MICU1: variants seen among roughly 807,000 people sequenced by gnomAD.
MICU1 encodes mitochondrial calcium uptake 1, also known as calcium uptake protein 1, mitochondrial.
Under a neutral mutation model 56.8 loss-of-function variants are expected in MICU1, and 45 were observed. The observed-to-expected ratio is 0.79, with a 90% CI of 0.62 to 1.02. The LOEUF is 1.02. Ranked by LOEUF, MICU1 falls within the 50% of genes least tolerant of loss-of-function variation. The pLI is 0.00. For synonymous variants in MICU1, 186 were observed against 195.1 expected (o/e 0.95, Z 0.39); for missense variants, 504 against 587.1 (o/e 0.86, Z 1.46).
At chr10:72,387,072 A>G (rs1862915706) in intron 10 of MICU1, among the ~76,000 whole-genome samples, 1 of 152,228 alleles carries the variant, frequency 6.6e-6, no homozygotes, top group Admixed American at 6.5e-5. Flanking sequence ...TAAAGATTTC[A>G]CATAAACAAG....
At chr10:72,571,449 G>C (rs1171951798) in intron 1 of MICU1, among the ~76,000 whole-genome samples, 2 of 152,158 alleles carry the variant, frequency 1.3e-5, no homozygotes, top group East Asian at 3.8e-4. Context: ...AGAACAGCTA[G>C]ACATATGATC....
intron 1 of MICU1, among the ~76,000 whole-genome samples, chr10:72,623,067 G>C (rs1842141234): frequency 6.6e-6 from 1 of 151,726 alleles, no homozygotes; most frequent in East Asian, 1.9e-4. Context: ...TCAGGGGTTC[G>C]AGACCAGCCT....
rs367981659 is a variant in MICU1, at chr10:72,408,317, C to CT, written c.1072-281dup. 6.3e-4 allele frequency among the ~76,000 whole-genome samples: 96 copies of CT among 151,404 alleles called. 1 individual carries two copies. The Middle Eastern group carries it at 0.01, about 16-fold the overall frequency. On this transcript the variant is annotated intron_variant, in intron 9 of 11. Transcript: ENST00000361114. ...GAATATCTTAATGAAAATATTTCTTCTTTTTTTTTGAGATGGAGTTTCACT... is the reference window on the plus strand; with the variant it reads ...GAATATCTTAATGAAAATATTTCTTCTTTTTTTTTTGAGATGGAGTTTCACT...
chr10:72,623,262 ACT>A (rs1842147985), intron 1 of MICU1, among the ~76,000 whole-genome samples: 1 of 133,952 alleles, frequency 7.5e-6, no homozygotes, highest in Admixed American at 8.6e-5. Context: ...CGAGAGTGAA[ACT>A]CTGTCAAAAA....
At chr10:72,487,835 C>T (rs898926662) in intron 6 of MICU1, among the ~76,000 whole-genome samples, 2 of 152,106 alleles carry the variant, frequency 1.3e-5, no homozygotes, top group African/African-American at 4.8e-5. Context: ...TGATCTACTC[C>T]TTCTGACTTC....
chr10:72,587,706 C>T (rs1323900042), intron 1 of MICU1, among the ~76,000 whole-genome samples: 1 of 151,920 alleles, frequency 6.6e-6, no homozygotes, highest in African/African-American at 2.4e-5. Context: ...ATGGCTTGAG[C>T]CTGGGAGGCG....
At chr10:72,485,376 C>A (rs1396485918) in intron 6 of MICU1, among the ~76,000 whole-genome samples, 3 of 151,578 alleles carry the variant, frequency 2.0e-5, no homozygotes, top group Non-Finnish European at 4.4e-5. Flanking sequence ...TCTTGCCTGG[C>A]CAAATAATCA....
intron 4 of MICU1, 87 bp downstream of exon 4, chr10:72,551,092 G>C: frequency 1.6e-6 from 2 of 1,283,282 alleles, no homozygotes; most frequent in South Asian, 1.7e-5. Flanking sequence ...ACAAGGACCT[G>C]TAAGATTTCA....
intron 2 of MICU1, among the ~76,000 whole-genome samples, chr10:72,564,447 G>A (rs1840374369): frequency 1.3e-5 from 2 of 150,174 alleles, no homozygotes; most frequent in Non-Finnish European, 3.0e-5. Flanking sequence ...GCTGAGGCAG[G>A]AGAATGTCTT....
chr10:72,455,177 C>T (rs1257731726), intron 8 of MICU1, among the ~76,000 whole-genome samples: 1 of 151,688 alleles, frequency 6.6e-6, no homozygotes. Flanking sequence ...TGGCGAAACC[C>T]CGTTTCTACT....
intron 10 of MICU1, among the ~76,000 whole-genome samples, chr10:72,392,387 T>C (rs751097180): frequency 6.6e-5 from 10 of 152,006 alleles, no homozygotes; most frequent in Admixed American, 3.3e-4. Flanking sequence ...CTGGCCAATA[T>C]AGTGAAACCC....
intron 10 of MICU1, among the ~76,000 whole-genome samples, chr10:72,401,398 A>C (rs919241152): frequency 6.6e-6 from 1 of 152,236 alleles, no homozygotes; most frequent in South Asian, 2.1e-4. Context: ...TCACGCCTGT[A>C]ATCCTAGCAC....
chr10:72,369,435 C>T (rs72808184), intron 11 of MICU1, among the ~76,000 whole-genome samples: 11,637 of 151,988 alleles, frequency 0.077, 1,275 homozygotes, highest in African/African-American at 0.24. Context: ...GAGTAAGAAG[C>T]AGGCAGATTT....
chr10:72,558,731 C>G (rs952711256), intron 3 of MICU1, among the ~76,000 whole-genome samples: 1 of 152,092 alleles, frequency 6.6e-6, no homozygotes, highest in Admixed American at 6.6e-5. Flanking sequence ...GAGAAAGCAG[C>G]CACTCAAGCA....
chr10:72,513,462 C>T (rs1042105439), intron 5 of MICU1, among the ~76,000 whole-genome samples: 2 of 152,142 alleles, frequency 1.3e-5, no homozygotes, highest in Non-Finnish European at 2.9e-5. Context: ...GATATTAGAT[C>T]CTTATCATAG....
intron 10 of MICU1, among the ~76,000 whole-genome samples, chr10:72,393,858 C>T (rs562417536): frequency 6.6e-6 from 1 of 152,286 alleles, no homozygotes; most frequent in East Asian, 1.9e-4. Context: ...CTCCGACTCC[C>T]TGGTTCAAGC....
chr10:72,492,245 A>G (rs1866681111), intron 6 of MICU1, among the ~76,000 whole-genome samples: 1 of 152,140 alleles, frequency 6.6e-6, no homozygotes, highest in Non-Finnish European at 1.5e-5. Flanking sequence ...TTTAAATTTA[A>G]CAAGATCATT....
intron 6 of MICU1, among the ~76,000 whole-genome samples, chr10:72,480,574 G>A (rs1228780729): frequency 6.6e-6 from 1 of 152,206 alleles, no homozygotes; most frequent in African/African-American, 2.4e-5. Context: ...AAAGTGCAAC[G>A]AAAAGGAAAG....
At chr10:72,605,978 A>G (rs974160364) in intron 1 of MICU1, among the ~76,000 whole-genome samples, 1 of 151,668 alleles carries the variant, frequency 6.6e-6, no homozygotes, top group African/African-American at 2.4e-5. Flanking sequence ...TAAAAATAAA[A>G]AAATTGGCTG....
Sources: gnomAD v4.1 joint callset for allele counts (sites outside exome capture counted in the v4.1 genomes callset) on GRCh38, gnomAD v4.1.1 for gene constraint, MANE v1.5 for transcripts, NCBI Gene and HGNC (gene_info 2026-07-23, HGNC 2026-07-21) for gene names.